The following ROBO1 variants were observed in gnomAD, a reference collection of about 807,000 sequenced individuals.
The protein encoded by ROBO1 is roundabout homolog 1.
In ROBO1, 149 loss-of-function variants were observed where a neutral mutation model predicts 195.9. The ratio of observed to expected loss-of-function variants is 0.76; its 90% CI spans 0.67 to 0.87. ROBO1 has a LOEUF of 0.87. ROBO1 is among the 40% of genes least tolerant of loss of function. The pLI, the probability that ROBO1 is intolerant of heterozygous loss-of-function variation, is 0.00. For missense variants in ROBO1, 1,933 were observed against 2,068.3 expected, an observed-to-expected ratio of 0.93 and a Z score of 1.27; for synonymous variants, 816 against 733.2, an observed-to-expected ratio of 1.11 and a Z score of -1.82.
rs1255695268 is a variant in ROBO1 at position 79,066,307 on chromosome 3, G to C, written c.172+59149C>G. ...TGTGACTTTGATGGGACACACATTGGGGGGCTTCTCAGACGGCTGGCTACA... is the reference window on the plus strand; with the variant it reads ...TGTGACTTTGATGGGACACACATTGCGGGGCTTCTCAGACGGCTGGCTACA... On this transcript the variant is annotated intron_variant, in intron 3 of 30. Transcript: ENST00000464233. 3.3e-5 allele frequency among the ~76,000 whole-genome samples: 5 copies of C among 151,804 alleles called. No homozygotes were observed. The East Asian group carries it at 9.8e-4, about 30-fold the overall frequency.
At chr3:79,491,132 C>T (rs931135505) in intron 2 of ROBO1, among the ~76,000 whole-genome samples, 1 of 151,940 alleles carries the variant, frequency 6.6e-6, no homozygotes, top group African/African-American at 2.4e-5. Flanking sequence ...TAACTGCCTC[C>T]AAGTCTGGGC....
At chr3:79,333,781 T>C (rs552933867) in intron 2 of ROBO1, among the ~76,000 whole-genome samples, 4 of 152,322 alleles carry the variant, frequency 2.6e-5, no homozygotes, top group African/African-American at 9.6e-5. Flanking sequence ...TTAGCTTTAT[T>C]ACTAATGGCC....
intron 3 of ROBO1, among the ~76,000 whole-genome samples, chr3:79,009,851 C>T (rs2077730713): frequency 6.6e-6 from 1 of 152,144 alleles, no homozygotes; most frequent in African/African-American, 2.4e-5. Context: ...CAATCAGTTC[C>T]TTACAGAAGT....
intron 2 of ROBO1, among the ~76,000 whole-genome samples, chr3:79,400,649 T>C (rs1479493588): frequency 6.6e-6 from 1 of 152,074 alleles, no homozygotes; most frequent in Admixed American, 6.6e-5. Context: ...ACAGCAAGAC[T>C]TTCATATTGA....
chr3:79,443,363 A>G (rs1179394982), intron 2 of ROBO1, among the ~76,000 whole-genome samples: 3 of 152,164 alleles, frequency 2.0e-5, no homozygotes, highest in Non-Finnish European at 2.9e-5. Flanking sequence ...GTAGTTGTTT[A>G]TTGGTGAATT....
chr3:79,280,197 A>G (rs1226492675), intron 2 of ROBO1, among the ~76,000 whole-genome samples: 1 of 152,158 alleles, frequency 6.6e-6, no homozygotes, highest in Non-Finnish European at 1.5e-5. Flanking sequence ...TGTGGTTAAC[A>G]GTATTATGTA....
chr3:79,139,512 T>C lies in ROBO1; in HGVS notation c.89-13973A>G, dbSNP rs572884343. Among the ~76,000 whole-genome samples the C allele has an allele frequency of 9.7e-4, 147 of 152,284 alleles. 1 individual carries two copies. Among genetic ancestry groups the C allele is most frequent in the Non-Finnish European group, 1.9e-3 (127 of 68,002 alleles). ...CTAAACGTTTGGTTTAAGAAAGTCA[T>C]GGAGGTTGTCATAGAAATAATGTGA... On this transcript the variant is annotated intron_variant, in intron 2 of 30. Transcript: ENST00000464233.
In ROBO1 at chr3:79,727,844, T is replaced by A. The variant is rs907309461; in HGVS notation, c.-51+39908A>T. On this transcript the variant is annotated intron_variant, in intron 1 of 30. Coordinates refer to ENST00000464233, the MANE Select transcript of ROBO1 (RefSeq NM_002941.4). ...TCCCTCTTACAAAGAGGACAAACAT[T>A]TTTCAAAACACATTTTAGAGACAAC... is the stretch of plus-strand genomic sequence containing the variant. 5.4e-4 allele frequency among the ~76,000 whole-genome samples: 82 copies of A among 152,148 alleles called. 2 individuals carry two copies. The highest frequency in any genetic ancestry group is 2.1e-4 in the Non-Finnish European group (14 of 67,990).
At chr3:79,643,024 G>A (rs1003021193) in intron 1 of ROBO1, among the ~76,000 whole-genome samples, 7 of 151,944 alleles carry the variant, frequency 4.6e-5, no homozygotes, top group African/African-American at 1.7e-4. Context: ...ATTTGAATCA[G>A]TGGACTGGGA....
chr3:79,304,260 T>C (rs2033119953), intron 2 of ROBO1, among the ~76,000 whole-genome samples: 2 of 152,322 alleles, frequency 1.3e-5, no homozygotes, highest in African/African-American at 2.4e-5. Context: ...GAATTAATTA[T>C]GTAATACACT....
At chr3:79,557,543 G>A (rs1942746306) in intron 2 of ROBO1, among the ~76,000 whole-genome samples, 1 of 151,698 alleles carries the variant, frequency 6.6e-6, no homozygotes, top group Middle Eastern at 3.4e-3. Context: ...AGGTCAGCCT[G>A]GCCAACAAGG....
intron 4 of ROBO1, among the ~76,000 whole-genome samples, chr3:78,857,024 C>T (rs976379480): frequency 7.9e-5 from 12 of 152,024 alleles, no homozygotes; most frequent in Non-Finnish European, 1.2e-4. Flanking sequence ...TTGGACAAGT[C>T]AGTCTTTAAA....
chr3:79,543,868 A>G (rs1942166860), intron 2 of ROBO1, among the ~76,000 whole-genome samples: 1 of 152,092 alleles, frequency 6.6e-6, no homozygotes, highest in African/African-American at 2.4e-5. Flanking sequence ...AATGTGTGGT[A>G]TCCTATACAG....
intron 3 of ROBO1, among the ~76,000 whole-genome samples, chr3:79,094,919 C>T (rs2079541284): frequency 6.9e-6 from 1 of 145,252 alleles, no homozygotes; most frequent in Non-Finnish European, 1.5e-5. Context: ...CTTCCCCTCC[C>T]TCCCTCTCTC....
intron 10 of ROBO1, among the ~76,000 whole-genome samples, chr3:78,672,066 A>G (rs1708093664): frequency 6.6e-6 from 1 of 152,184 alleles, no homozygotes; most frequent in Non-Finnish European, 1.5e-5. Flanking sequence ...AAATTCTCTA[A>G]GCCTCAGTTT....
chr3:79,235,191 C>G (rs1254457571), intron 2 of ROBO1, among the ~76,000 whole-genome samples: 1 of 151,898 alleles, frequency 6.6e-6, no homozygotes, highest in Non-Finnish European at 1.5e-5. Flanking sequence ...TATTTGTCTT[C>G]TTGAATAATG....
chr3:79,529,203 C>A (rs1941550839), intron 2 of ROBO1, among the ~76,000 whole-genome samples: 1 of 152,082 alleles, frequency 6.6e-6, no homozygotes, highest in Non-Finnish European at 1.5e-5. Flanking sequence ...AAAATTCAGG[C>A]CAGGTACAGT....
intron 4 of ROBO1, among the ~76,000 whole-genome samples, chr3:78,900,039 CT>C (rs1385903302): frequency 6.6e-6 from 1 of 152,112 alleles, no homozygotes; most frequent in Non-Finnish European, 1.5e-5. Flanking sequence ...GTGGATGGAC[CT>C]GTGAGGCTAT....
intron 2 of ROBO1, among the ~76,000 whole-genome samples, chr3:79,343,873 T>C (rs75765730): frequency 0.019 from 2,967 of 152,282 alleles, 82 homozygotes; most frequent in African/African-American, 0.063. Context: ...TCTATGGTCC[T>C]TGGGTTCCAT....
Sources: gnomAD v4.1 joint callset for allele counts (sites outside exome capture counted in the v4.1 genomes callset) on GRCh38, gnomAD v4.1.1 for gene constraint, MANE v1.5 for transcripts, NCBI Gene and HGNC (gene_info 2026-07-23, HGNC 2026-07-21) for gene names.